Variants in MIDEAS observed in about 807,000 individuals in gnomAD.
The protein encoded by MIDEAS is mitotic deacetylase associated SANT domain protein, also known as mitotic deacetylase-associated SANT domain protein.
In MIDEAS, 26 loss-of-function variants were observed where a neutral mutation model predicts 102.7. The observed-to-expected ratio is 0.25, with a 90% confidence interval of 0.19 to 0.35. The LOEUF is 0.35. Among genes scored for constraint, MIDEAS ranks in the 10% least tolerant of loss-of-function variants. The pLI is 1.00. For synonymous variants in MIDEAS, 585 were observed against 591.0 expected, an observed-to-expected ratio of 0.99 and a Z score of 0.15; for missense variants, 1,231 against 1,435.6, an observed-to-expected ratio of 0.86 and a Z score of 2.30.
intron 4 of MIDEAS, chr14:73,728,605 C>T (rs1031586929): frequency 1.3e-5 from 2 of 151,972 alleles, no homozygotes; most frequent in African/African-American, 4.9e-5. Flanking sequence ...GGCTGCAGAT[C>T]CCACACTACC....
chr14:73,753,383 G>A (rs979288398), intron 1 of MIDEAS, among the ~76,000 whole-genome samples: 1 of 152,262 alleles, frequency 6.6e-6, no homozygotes, highest in Non-Finnish European at 1.5e-5. Flanking sequence ...CGGAGGAAGT[G>A]TGGGAGCTGC....
rs927738083 is a variant in MIDEAS at position 73,782,001 on chromosome 14, G to A, written c.-248+5101C>T. On this transcript the variant is annotated intron_variant, in intron 1 of 11. Coordinates refer to the MIDEAS transcript ENST00000394071. ...GAACCTGGGGTGCGGAGGTTGCAGTGAGCCAAGATCACACCACTTCACTCC... is the reference window on the plus strand; with the variant it reads ...GAACCTGGGGTGCGGAGGTTGCAGTAAGCCAAGATCACACCACTTCACTCC... Among the ~76,000 whole-genome samples the A allele has an allele frequency of 3.3e-5, 5 of 152,070 alleles. No homozygotes were observed. The East Asian group carries it at 9.6e-4, about 29-fold the overall frequency.
chr14:73,729,556 C>T, intron 4 of MIDEAS, 84 bp downstream of exon 4: 2 of 1,145,126 alleles, frequency 1.7e-6, no homozygotes, highest in Non-Finnish European at 2.5e-6. Context: ...CAGCCCAATC[C>T]CCAGCAGCCC....
chr14:73,715,893 G>A lies in MIDEAS; in HGVS notation c.*2950C>T, dbSNP rs2052879538. 1 of 152,444 alleles carries A rather than the reference G, an allele frequency of 6.6e-6. No individual in the cohort carries two copies. The highest frequency in any genetic ancestry group is 1.5e-5 in the Non-Finnish European group (1 of 68,116). The allele number at this position is 152,444 out of a possible 1,614,324, so 9.4% of individuals were successfully genotyped here. A position where few individuals can be genotyped will look rare whatever the true frequency, so the allele number is the denominator to read the frequency against. ...GTGGTATGTACCTTAGCTGTGAGGG[G>A]GGCTGCTGAAGGCATGGAGGACAGT... On this transcript the variant is annotated 3_prime_UTR_variant, in exon 13 of 13. Coordinates refer to ENST00000423556, the MANE Select transcript of MIDEAS (RefSeq NM_001367710.1).
intron 1 of MIDEAS, among the ~76,000 whole-genome samples, chr14:73,749,094 TAGA>T (rs1303236480): frequency 6.6e-6 from 1 of 151,930 alleles, no homozygotes; most frequent in African/African-American, 2.4e-5. Flanking sequence ...GACAAGGAAA[TAGA>T]AGATTTAGAC....
chr14:73,716,321 CCA>C lies in MIDEAS; in HGVS notation c.*2520_*2521del, dbSNP rs1238268320. ...CAGAGAGGTACCATCTTGATTTTCC[CCA>C]GTTACATTCACCTGGTCTGGTCTCT... is the stretch of plus-strand genomic sequence containing the variant. On this transcript the variant is annotated 3_prime_UTR_variant, in exon 13 of 13. Transcript: ENST00000423556. The C allele has an allele frequency of 1.3e-5, 2 of 152,058 alleles. No homozygotes were observed. The highest frequency in any genetic ancestry group is 1.9e-4 in the East Asian group (1 of 5,194). The allele number at this position is 152,058 out of a possible 1,614,324, so 9.4% of individuals were successfully genotyped here.
intron 1 of MIDEAS, among the ~76,000 whole-genome samples, chr14:73,754,020 G>T (rs145206833): frequency 4.6e-5 from 7 of 152,272 alleles, no homozygotes; most frequent in African/African-American, 1.7e-4. Flanking sequence ...GAAGTAGAAG[G>T]GACTCCAGTG....
intron 1 of MIDEAS, among the ~76,000 whole-genome samples, chr14:73,743,376 C>T (rs2053306836): frequency 6.6e-6 from 1 of 152,162 alleles, no homozygotes; most frequent in South Asian, 2.1e-4. Flanking sequence ...GAGGGGTCAG[C>T]AGATGTGTGA....
At chr14:73,751,875 G>A (rs2053424666) in intron 1 of MIDEAS, among the ~76,000 whole-genome samples, 1 of 152,158 alleles carries the variant, frequency 6.6e-6, no homozygotes. Context: ...ACTCCAGCCT[G>A]GGCGACAAGA....
rs544487531 is a variant in MIDEAS at position 73,774,934 on chromosome 14, G to A, written c.-248+12168C>T. Among the ~76,000 whole-genome samples, 5 of 152,164 alleles carry A rather than the reference G, an allele frequency of 3.3e-5. No homozygotes were observed. In the South Asian group the frequency reaches 8.3e-4, roughly 25 times the overall value. ...GTGCCAGCCACAGATCCAAGGTGGT[G>A]GGGAGCCAGGCACTCCTGCAACTGA... On this transcript the variant is annotated intron_variant, in intron 1 of 11. Coordinates refer to the MIDEAS transcript ENST00000394071.
chr14:73,787,266 G>T (rs2053823958), upstream of MIDEAS: 2 of 147,574 alleles, frequency 1.4e-5, no homozygotes, highest in African/African-American at 4.9e-5. Flanking sequence ...AGCGGCTCGC[G>T]CGGTGGCGCG....
At chr14:73,781,097 A>C (rs2053752589) in intron 1 of MIDEAS, among the ~76,000 whole-genome samples, 1 of 152,188 alleles carries the variant, frequency 6.6e-6, no homozygotes, top group African/African-American at 2.4e-5. Context: ...GTGGAAATGG[A>C]GAATGGGGTT....
chr14:73,769,130 T>C (rs904871192), intron 1 of MIDEAS, among the ~76,000 whole-genome samples: 4 of 152,214 alleles, frequency 2.6e-5, no homozygotes, highest in Admixed American at 1.3e-4. Flanking sequence ...ATCTACCTCC[T>C]GCCCTGTGGC....
Position 73,726,989 on chromosome 14 carries a change from G to T in MIDEAS, c.2163-17C>A. 6.4e-7 allele frequency: 1 copy of T among 1,573,222 alleles called. No individual in the cohort carries two copies. The highest frequency in any genetic ancestry group is 1.1e-5 in the South Asian group (1 of 88,204). Reference sequence around the variant, plus strand: ...TTGATCCGTCTAGAGGAGTGAAAAGGGCAGGAAGTGAGGCCTCACCTTGCG... The same window carrying T: ...TTGATCCGTCTAGAGGAGTGAAAAGTGCAGGAAGTGAGGCCTCACCTTGCG... On this transcript the variant is annotated splice_polypyrimidine_tract_variant and intron_variant, in intron 5 of 12. Transcript: ENST00000423556.
rs1179219463 is a variant in MIDEAS, at chr14:73,716,752, T to A, written c.*2091A>T. ...AGATGTTACCACTGACAAAAGGGTCTCATATGAATGATGGAGGTTTCTGTT... is the reference window on the plus strand; with the variant it reads ...AGATGTTACCACTGACAAAAGGGTCACATATGAATGATGGAGGTTTCTGTT... On this transcript the variant is annotated 3_prime_UTR_variant, in exon 13 of 13. Transcript: ENST00000423556. The A allele has an allele frequency of 6.6e-6, 1 of 151,286 alleles. No homozygotes were observed. Among genetic ancestry groups the A allele is most frequent in the East Asian group, 1.9e-4 (1 of 5,140 alleles). 9.4% of individuals were successfully genotyped at this position (151,286 alleles called of 1,614,324 possible).
chr14:73,739,374 A>T lies in MIDEAS; in HGVS notation c.635T>A (p.Leu212Gln), dbSNP rs1313853366. Residue 212 changes from leucine to glutamine, a missense_variant, in exon 2 of 13, where the codon CTG becomes CAG. By Grantham distance (113) the Leu-to-Gln change is moderately radical. Coordinates refer to ENST00000423556, the MANE Select transcript of MIDEAS (RefSeq NM_001367710.1). Reference sequence around the variant, plus strand: ...TGCCAGCTGGAAGGGTTGCAGGGGCAGTGACTGGTTTGGGGGTTTCTTGGC... The same window carrying T: ...TGCCAGCTGGAAGGGTTGCAGGGGCTGTGACTGGTTTGGGGGTTTCTTGGC... The part of the protein sequence containing the change: ...HAAKKPPNQS[L>Q]PLQPFQLAFG... 4.4e-6 allele frequency: 7 copies of T among 1,591,238 alleles called. No individual in the cohort carries two copies. In the African/African-American group the frequency reaches 8.0e-5, roughly 18 times the overall value.
intron 1 of MIDEAS, among the ~76,000 whole-genome samples, chr14:73,772,099 C>T (rs752674549): frequency 5.9e-5 from 9 of 152,192 alleles, no homozygotes; most frequent in Non-Finnish European, 1.0e-4. Context: ...GCTGTGAACC[C>T]GAGTTACTCA....
At position 73,715,971 on chromosome 14, in the gene MIDEAS, A is replaced by T. The variant is rs923808708; in HGVS notation, c.*2872T>A. 1.3e-5 allele frequency: 2 copies of T among 152,338 alleles called. No homozygotes were observed. The highest frequency in any genetic ancestry group is 4.8e-5 in the African/African-American group (2 of 41,444). The allele number at this position is 152,338 out of a possible 1,614,324, so 9.4% of individuals were successfully genotyped here. ...GGAGACCTCAGAAATGGTCTGCAAC[A>T]CAGGCACTAGGTCAGTTTCCCGCCC... On this transcript the variant is annotated 3_prime_UTR_variant, in exon 13 of 13. Transcript: ENST00000423556.
At chr14:73,790,203 A>G (rs2053856338), upstream of MIDEAS, 2 of 152,180 alleles carry the variant, frequency 1.3e-5, no homozygotes, top group South Asian at 4.1e-4. Flanking sequence ...GGAACAAATT[A>G]TTTACTTTTA....
Sources: allele counts gnomAD v4.1 joint callset (sites outside exome capture counted in the v4.1 genomes callset), GRCh38; gene constraint gnomAD v4.1.1; transcripts MANE v1.5; gene names NCBI Gene and HGNC (gene_info 2026-07-23, HGNC 2026-07-21).